Variants in PLEKHM3 observed in about 807,000 individuals in gnomAD.
The protein encoded by PLEKHM3 is pleckstrin homology domain-containing family M member 3.
PLEKHM3 carries 45 observed loss-of-function variants against 81.8 expected under a neutral mutation model. That is an observed-to-expected ratio of 0.55 (90% CI 0.43 to 0.71). The LOEUF is 0.71. PLEKHM3 is among the 30% of genes least tolerant of loss of function. The probability of loss-of-function intolerance (pLI) is 0.00; values close to 1 mark genes in which losing one functional copy is unlikely to be tolerated. For synonymous variants in PLEKHM3, 352 were observed against 356.4 expected (o/e 0.99, Z 0.14); for missense variants, 788 against 924.3 (o/e 0.85, Z 1.91).
intron 1 of PLEKHM3, among the ~76,000 whole-genome samples, chr2:208,007,169 A>T (rs952588107): frequency 3.3e-5 from 5 of 152,330 alleles, no homozygotes; most frequent in Middle Eastern, 3.4e-3. Context: ...TGGGAAGAAA[A>T]CTGCAATGGC....
intron 5 of PLEKHM3, among the ~76,000 whole-genome samples, chr2:207,913,135 G>C (rs535507038): frequency 6.6e-6 from 1 of 152,106 alleles, no homozygotes; most frequent in African/African-American, 2.4e-5. Flanking sequence ...CAGGACTAAG[G>C]AAGAGGAGTT....
chr2:207,877,547 T>G (rs1267128095), intron 6 of PLEKHM3, among the ~76,000 whole-genome samples: 1 of 152,182 alleles, frequency 6.6e-6, no homozygotes, highest in African/African-American at 2.4e-5. Context: ...TTCCTCACAG[T>G]CCGTTTTCTT....
chr2:207,965,386 C>G (rs931065165), intron 3 of PLEKHM3, among the ~76,000 whole-genome samples: 2 of 143,974 alleles, frequency 1.4e-5, no homozygotes, highest in African/African-American at 5.3e-5. Context: ...GAGAAATGAA[C>G]GGCTTAAAAA....
chr2:207,964,660 C>T (rs6435400), intron 3 of PLEKHM3, among the ~76,000 whole-genome samples: 8,910 of 152,200 alleles, frequency 0.059, 831 homozygotes, highest in African/African-American at 0.2. Context: ...AGAACCATAA[C>T]GAACATGGTC....
chr2:207,995,764 C>T (rs953073671), intron 2 of PLEKHM3, among the ~76,000 whole-genome samples: 2 of 152,174 alleles, frequency 1.3e-5, no homozygotes, highest in Non-Finnish European at 2.9e-5. Context: ...CTCTCACTCA[C>T]CCTGAGAATA....
intron 5 of PLEKHM3, among the ~76,000 whole-genome samples, chr2:207,910,801 A>C (rs1403183880): frequency 2.0e-5 from 3 of 152,162 alleles, no homozygotes; most frequent in Non-Finnish European, 4.4e-5. Flanking sequence ...GAGACTACAG[A>C]CAGGTGACAA....
At chr2:207,856,522 GT>G (rs1022396685) in intron 7 of PLEKHM3, among the ~76,000 whole-genome samples, 3 of 152,168 alleles carry the variant, frequency 2.0e-5, no homozygotes, top group African/African-American at 4.8e-5. Context: ...TGTCTGTATA[GT>G]TTTGCCTTTT....
intron 4 of PLEKHM3, 145 bp from the exon 5 acceptor site, chr2:207,931,264 T>C: frequency 1.2e-6 from 1 of 808,824 alleles, no homozygotes; most frequent in Non-Finnish European, 1.9e-6. Context: ...TTGAATTAAA[T>C]GTAAATTTTG....
chr2:207,862,606 C>A (rs2105814411), intron 6 of PLEKHM3, among the ~76,000 whole-genome samples: 1 of 151,994 alleles, frequency 6.6e-6, no homozygotes, highest in East Asian at 1.9e-4. Context: ...CCATTGCACT[C>A]CAGCCTGGGC....
chr2:207,904,820 A>G (rs1461032750), intron 6 of PLEKHM3, among the ~76,000 whole-genome samples: 1 of 152,254 alleles, frequency 6.6e-6, no homozygotes, highest in Non-Finnish European at 1.5e-5. Flanking sequence ...TGTTAAATTG[A>G]GTCTATCTGC....
At chr2:207,899,408 T>C (rs930597369) in intron 6 of PLEKHM3, among the ~76,000 whole-genome samples, 1 of 152,228 alleles carries the variant, frequency 6.6e-6, no homozygotes, top group African/African-American at 2.4e-5. Flanking sequence ...TGCAAGAGTT[T>C]GACCATAATC....
intron 6 of PLEKHM3, among the ~76,000 whole-genome samples, chr2:207,889,214 G>A (rs1687973277): frequency 6.6e-6 from 1 of 152,128 alleles, no homozygotes; most frequent in African/African-American, 2.4e-5. Context: ...TGGGGATGCA[G>A]GTGAACAACC....
At chr2:207,927,087 GAAC>G (rs1439036820) in intron 5 of PLEKHM3, among the ~76,000 whole-genome samples, 1 of 152,132 alleles carries the variant, frequency 6.6e-6, no homozygotes. Context: ...GACTAGATAA[GAAC>G]TGGATTCTCT....
intron 7 of PLEKHM3, among the ~76,000 whole-genome samples, chr2:207,832,262 T>G (rs2092292704): frequency 6.6e-6 from 1 of 152,222 alleles, no homozygotes; most frequent in African/African-American, 2.4e-5. Flanking sequence ...ATGGATAGAT[T>G]GATCAATGAC....
chr2:207,842,139 G>A (rs904413042), intron 7 of PLEKHM3, among the ~76,000 whole-genome samples: 17 of 152,120 alleles, frequency 1.1e-4, no homozygotes, highest in Admixed American at 2.0e-4. Flanking sequence ...GGGTTTCACC[G>A]TGTTAGCCAG....
At position 207,922,670 on chromosome 2, in the gene PLEKHM3, G is replaced by C. The variant is rs1013442791; in HGVS notation, c.1886+8256C>G. Among the ~76,000 whole-genome samples, 7 of 152,178 alleles carry C rather than the reference G, an allele frequency of 4.6e-5. No individual in the cohort carries two copies. The East Asian group carries it at 1.3e-3, about 29-fold the overall frequency. ...TACTAAAAATACAAAAAATTAGCTG[G>C]GCGTGGTGGCGGGCGCCTGTAGTCC... On this transcript the variant is annotated intron_variant, in intron 5 of 7. Coordinates refer to ENST00000427836, the MANE Select transcript of PLEKHM3 (RefSeq NM_001080475.3).
chr2:207,928,632 AG>A (rs899918545), intron 5 of PLEKHM3, among the ~76,000 whole-genome samples: 7 of 152,386 alleles, frequency 4.6e-5, no homozygotes, highest in Admixed American at 3.9e-4. Context: ...ATTTGAGAGT[AG>A]AACAATATAC....
chr2:207,948,955 G>A (rs1690239244), intron 3 of PLEKHM3, among the ~76,000 whole-genome samples: 1 of 151,238 alleles, frequency 6.6e-6, no homozygotes, highest in Non-Finnish European at 1.5e-5. Flanking sequence ...AGGATTACAG[G>A]TGTGAGCCAC....
intron 4 of PLEKHM3, among the ~76,000 whole-genome samples, chr2:207,944,148 G>T (rs1690042092): frequency 6.6e-6 from 1 of 152,158 alleles, no homozygotes; most frequent in Non-Finnish European, 1.5e-5. Flanking sequence ...ACTATTAAAG[G>T]TTTAGGCAGA....
Sources: gnomAD v4.1 joint callset for allele counts (sites outside exome capture counted in the v4.1 genomes callset) on GRCh38, gnomAD v4.1.1 for gene constraint, MANE v1.5 for transcripts, NCBI Gene and HGNC (gene_info 2026-07-23, HGNC 2026-07-21) for gene names.